The following NEK7 variants were observed in gnomAD, a reference collection of about 807,000 sequenced individuals.
NEK7 encodes serine/threonine-protein kinase Nek7.
A neutral mutation model predicts 44.6 loss-of-function variants in NEK7; 18 were observed. That is an observed-to-expected ratio of 0.40 (90% CI 0.28 to 0.60). NEK7 has a LOEUF of 0.60. NEK7 is among the 20% of genes least tolerant of loss of function. NEK7 has a pLI of 0.38. For synonymous variants in NEK7, 130 were observed against 121.1 expected (o/e 1.07, Z -0.48); for missense variants, 256 against 366.5 (o/e 0.70, Z 2.46).
intron 9 of NEK7, among the ~76,000 whole-genome samples, chr1:198,315,388 C>A (rs1201949693): frequency 6.6e-6 from 1 of 152,216 alleles, no homozygotes; most frequent in African/African-American, 2.4e-5. Flanking sequence ...GCAGAAATCA[C>A]CCGTCTTCTG....
At chr1:198,286,613 A>C (rs1399846665) in intron 7 of NEK7, among the ~76,000 whole-genome samples, 2 of 152,190 alleles carry the variant, frequency 1.3e-5, no homozygotes, top group Admixed American at 6.5e-5. Context: ...TTAGTGGCTT[A>C]AAACAACAGA....
chr1:198,217,918 A>G (rs1665970673), intron 1 of NEK7, among the ~76,000 whole-genome samples: 1 of 151,976 alleles, frequency 6.6e-6, no homozygotes, highest in Non-Finnish European at 1.5e-5. Flanking sequence ...GAGAACTGCA[A>G]AACACTGCTG....
intron 1 of NEK7, among the ~76,000 whole-genome samples, chr1:198,169,940 G>A (rs762694013): frequency 3.9e-5 from 6 of 151,968 alleles, no homozygotes; most frequent in Admixed American, 6.6e-5. Flanking sequence ...AATGGCAGAT[G>A]ACTGCTTCCC....
At chr1:198,308,371 A>G (rs1322254397) in intron 9 of NEK7, among the ~76,000 whole-genome samples, 1 of 152,182 alleles carries the variant, frequency 6.6e-6, no homozygotes, top group Non-Finnish European at 1.5e-5. Flanking sequence ...TCAGGCGTTC[A>G]TATTTCTACT....
intron 9 of NEK7, among the ~76,000 whole-genome samples, 160 bp from the exon 10 acceptor site, chr1:198,319,252 C>T (rs1275070324): frequency 1.3e-5 from 2 of 152,180 alleles, no homozygotes; most frequent in African/African-American, 4.8e-5. Flanking sequence ...ATTGTAAGAT[C>T]ATTGGCAGCA....
intron 2 of NEK7, among the ~76,000 whole-genome samples, chr1:198,238,603 T>G (rs1480570537): frequency 6.6e-6 from 1 of 152,172 alleles, no homozygotes; most frequent in Non-Finnish European, 1.5e-5. Context: ...TCAGATAACA[T>G]TGCCTCATTT....
chr1:198,250,860 A>T (rs1231124384), intron 2 of NEK7, among the ~76,000 whole-genome samples: 1 of 151,420 alleles, frequency 6.6e-6, no homozygotes, highest in African/African-American at 2.4e-5. Context: ...TTCCTAATTG[A>T]ATACCCTTTA....
intron 2 of NEK7, among the ~76,000 whole-genome samples, chr1:198,248,043 A>T (rs964726759): frequency 6.6e-6 from 1 of 152,080 alleles, no homozygotes; most frequent in Non-Finnish European, 1.5e-5. Flanking sequence ...GCCCCACAAG[A>T]ATGTCATGTT....
intron 2 of NEK7, among the ~76,000 whole-genome samples, chr1:198,252,658 G>C (rs1364389856): frequency 7.4e-6 from 1 of 134,940 alleles, no homozygotes. Context: ...ATATATGTAT[G>C]TTTATATATT....
At chr1:198,168,556 T>C (rs1028073978) in intron 1 of NEK7, among the ~76,000 whole-genome samples, 1 of 152,340 alleles carries the variant, frequency 6.6e-6, no homozygotes, top group Non-Finnish European at 1.5e-5. Context: ...CAGTTTCAAA[T>C]TGAGGTGAGC....
intron 1 of NEK7, among the ~76,000 whole-genome samples, chr1:198,162,453 T>C (rs1664138700): frequency 6.6e-6 from 1 of 152,222 alleles, no homozygotes; most frequent in Admixed American, 6.5e-5. Flanking sequence ...TTTATGACCT[T>C]GGTTGAGTTG....
intron 2 of NEK7, among the ~76,000 whole-genome samples, chr1:198,251,235 C>T (rs1037190169): frequency 6.6e-6 from 1 of 151,724 alleles, no homozygotes; most frequent in Non-Finnish European, 1.5e-5. Context: ...CCCACTTGAT[C>T]ATGGTGGATA....
At chr1:198,215,053 G>T (rs1282019692) in intron 1 of NEK7, among the ~76,000 whole-genome samples, 3 of 152,102 alleles carry the variant, frequency 2.0e-5, no homozygotes, top group Admixed American at 6.5e-5. Context: ...ATAACTGACA[G>T]CCAAGAATTT....
intron 2 of NEK7, among the ~76,000 whole-genome samples, chr1:198,244,047 A>T (rs1487791215): frequency 6.6e-6 from 1 of 151,624 alleles, no homozygotes; most frequent in East Asian, 1.9e-4. Flanking sequence ...CATGAGCTTT[A>T]TTGCTAAATA....
chr1:198,168,208 ATG>A lies in NEK7; in HGVS notation c.-29+10934_-29+10935del, dbSNP rs1004416541. Among the ~76,000 whole-genome samples the A allele has an allele frequency of 6.0e-4, 91 of 152,310 alleles. 1 individual carries two copies. Among genetic ancestry groups the A allele is most frequent in the African/African-American group, 2.1e-3 (87 of 41,558 alleles). On this transcript the variant is annotated intron_variant, in intron 1 of 9. Transcript: ENST00000367385. ...GGTTCTGACACTTAGTGTGAGCTAAATGTAATATATATGGAACTCAGTTTAAG... is the reference window on the plus strand; with the variant it reads ...GGTTCTGACACTTAGTGTGAGCTAAATAATATATATGGAACTCAGTTTAAG...
chr1:198,212,864 G>A (rs1052054551), intron 1 of NEK7, among the ~76,000 whole-genome samples: 1 of 151,266 alleles, frequency 6.6e-6, no homozygotes, highest in Non-Finnish European at 1.5e-5. Flanking sequence ...CACTTAGGAA[G>A]AAGAAAACAT....
chr1:198,289,197 T>G (rs1282939667), intron 7 of NEK7, among the ~76,000 whole-genome samples: 1 of 151,976 alleles, frequency 6.6e-6, no homozygotes, highest in East Asian at 1.9e-4. Flanking sequence ...TAAGATGACT[T>G]GTCTCCTTTT....
In NEK7 at chr1:198,262,595, C is replaced by T; in HGVS notation, c.219C>T (p.Ala73=). The part of the protein sequence containing the change: ...KKVQIFDLMD[A]KARADCIKEI... ...TTTAGATATTTGATTTAATGGATGC[C>T]AAAGCACGTGCTGATTGCATCAAAG... Residue 73 remains alanine (A), a synonymous_variant, in exon 4 of 10, where the codon GCC becomes GCT. Coordinates refer to ENST00000367385, the MANE Select transcript of NEK7 (RefSeq NM_133494.3). 6.3e-7 allele frequency: 1 copy of T among 1,595,930 alleles called. No individual in the cohort carries two copies. Among genetic ancestry groups the T allele is most frequent in the East Asian group, 2.2e-5 (1 of 44,482 alleles).
chr1:198,253,137 C>T lies in NEK7; in HGVS notation c.155C>T (p.Ala52Val), dbSNP rs758663766. 3 of 1,611,338 alleles carry T rather than the reference C, an allele frequency of 1.9e-6. No homozygotes were observed. Among genetic ancestry groups the T allele is most frequent in the Admixed American group, 1.7e-5 (1 of 59,906 alleles). Residue 52 changes from alanine to valine, a missense_variant, in exon 3 of 10, where the codon GCC (alanine) becomes GTC (valine). Physicochemically the swap from Ala to Val is moderately conservative, Grantham distance 64. This residue lies in a region of NEK7 where 96 missense variants were observed against 94.9 expected (regional missense o/e 1.01). Transcript: ENST00000367385. ...RGQFSEVYRAACLLDGVPVAL... is the reference protein window; with the variant it reads ...RGQFSEVYRAVCLLDGVPVAL... ...CAATTTAGTGAAGTTTATAGAGCAGCCTGTCTCTTGGATGGAGTACCAGTA... is the reference window on the plus strand; with the variant it reads ...CAATTTAGTGAAGTTTATAGAGCAGTCTGTCTCTTGGATGGAGTACCAGTA...
Sources: allele counts gnomAD v4.1 joint callset (sites outside exome capture counted in the v4.1 genomes callset), GRCh38; gene constraint gnomAD v4.1.1; regional missense constraint gnomAD v4.1.1; transcripts MANE v1.5; gene names NCBI Gene and HGNC (gene_info 2026-07-23, HGNC 2026-07-21).